DNM1: variants seen among roughly 807,000 people sequenced by gnomAD.
The protein encoded by DNM1 is dynamin-1.
Under a neutral mutation model 104.6 loss-of-function variants are expected in DNM1, and 29 were observed. The observed-to-expected ratio is 0.28, with a 90% CI of 0.21 to 0.38. DNM1 has a LOEUF of 0.38. Among genes scored for constraint, DNM1 ranks in the 10% least tolerant of loss-of-function variants. The probability of loss-of-function intolerance (pLI) is 1.00; values close to 1 mark genes in which losing one functional copy is unlikely to be tolerated. For missense variants in DNM1, 640 were observed against 1,189.4 expected (o/e 0.54, Z 6.79); for synonymous variants, 445 against 475.8 (o/e 0.94, Z 0.84).
At position 128,219,498 on chromosome 9, in the gene DNM1, A is replaced by G. The variant is rs1834812320; in HGVS notation, c.589+246A>G. Among the ~76,000 whole-genome samples, 3 of 150,570 alleles carry G rather than the reference A, an allele frequency of 2.0e-5. No homozygotes were observed. The South Asian group carries it at 6.3e-4, about 32-fold the overall frequency. ...AGGCTGGGCAACCTAGTGAGACCCC[A>G]TTTCTACAAAAAATTTAAAAATTAG... On this transcript the variant is annotated intron_variant, in intron 4 of 21. Coordinates refer to ENST00000372923, the MANE Select transcript of DNM1 (RefSeq NM_004408.4).
chr9:128,215,884 C>T (rs1330386040), intron 1 of DNM1, among the ~76,000 whole-genome samples: 1 of 151,946 alleles, frequency 6.6e-6, no homozygotes, highest in African/African-American at 2.4e-5. Context: ...GGTGGACCCC[C>T]GGCCCCCACA....
At chr9:128,219,319 A>G (rs1276298254) in intron 4 of DNM1, 67 bp downstream of exon 4, 1 of 1,399,756 alleles carries the variant, frequency 7.1e-7, no homozygotes, top group Non-Finnish European at 1.0e-6. Flanking sequence ...CTTAGTGTAA[A>G]GGGGAGCCTC....
chr9:128,254,269 C>CA lies in DNM1; in HGVS notation c.2535-383dup, dbSNP rs1829712144. Reference sequence around the variant, plus strand: ...CTGGTGGCTGTTGCATGGGGCTCCCCAAGGCAAGGGGTGGCCCCAGGCCAG... The same window carrying CA: ...CTGGTGGCTGTTGCATGGGGCTCCCCAAAGGCAAGGGGTGGCCCCAGGCCAG... On this transcript the variant is annotated intron_variant, in intron 21 of 21. Coordinates refer to ENST00000372923, the MANE Select transcript of DNM1 (RefSeq NM_004408.4). The surrounding 1 kb of genome is among the most constrained non-coding windows in gnomAD (Gnocchi z 6.1). 4.3e-6 allele frequency: 6 copies of CA among 1,383,828 alleles called. No homozygotes were observed. The highest frequency in any genetic ancestry group is 1.5e-5 in the African/African-American group (1 of 67,334). 85.7% of individuals were successfully genotyped at this position (1,383,828 alleles called of 1,614,324 possible).
At chr9:128,206,246 C>T (rs964995850) in intron 1 of DNM1, among the ~76,000 whole-genome samples, 10 of 152,154 alleles carry the variant, frequency 6.6e-5, no homozygotes, top group Non-Finnish European at 1.0e-4. Flanking sequence ...CAGGCCCACC[C>T]GGGCTTCTGG....
At chr9:128,205,147 G>C (rs1833852844) in intron 1 of DNM1, among the ~76,000 whole-genome samples, 1 of 152,158 alleles carries the variant, frequency 6.6e-6, no homozygotes, top group African/African-American at 2.4e-5. Flanking sequence ...ATGACCCCCG[G>C]AGCTGCAGAG....
rs894792050 is a variant in DNM1, at chr9:128,218,037, C to A, written c.162-194C>A. On this transcript the variant is annotated intron_variant, in intron 1 of 21. Transcript: ENST00000372923. This position sits in a 1 kb window ranked among gnomAD's most constrained non-coding sequence, Gnocchi z 4.8. ...AGATGCATAAATTCTGTGACCCAGGCGACTTGAGGAAAAGTATTTTCCACC... is the reference window on the plus strand; with the variant it reads ...AGATGCATAAATTCTGTGACCCAGGAGACTTGAGGAAAAGTATTTTCCACC... 6.6e-6 allele frequency among the ~76,000 whole-genome samples: 1 copy of A among 152,146 alleles called. No individual in the cohort carries two copies. Among genetic ancestry groups the A allele is most frequent in the Non-Finnish European group, 1.5e-5 (1 of 68,022 alleles).
rs1836899387 is a variant in DNM1, at chr9:128,247,506, G to A, written c.1893+20G>A. On this transcript the variant is annotated intron_variant, in intron 17 of 21. Transcript: ENST00000372923. This position sits in a 1 kb window ranked among gnomAD's most constrained non-coding sequence, Gnocchi z 5.1. ...GTTGGGGTGAGTGGCAGGGCAAGGAGAGGAAGGGCAAGCATGATCCTAGGG... is the reference window on the plus strand; with the variant it reads ...GTTGGGGTGAGTGGCAGGGCAAGGAAAGGAAGGGCAAGCATGATCCTAGGG... 1.3e-6 allele frequency: 2 copies of A among 1,574,882 alleles called. No individual in the cohort carries two copies. Among genetic ancestry groups the A allele is most frequent in the Non-Finnish European group, 8.7e-7 (1 of 1,148,066 alleles).
At chr9:128,227,518 A>C (rs1039707674) in intron 10 of DNM1, among the ~76,000 whole-genome samples, 1 of 149,556 alleles carries the variant, frequency 6.7e-6, no homozygotes, top group African/African-American at 2.5e-5. Flanking sequence ...AGTGGCTGGG[A>C]CTACAGGTGA....
chr9:128,241,510 A>G (rs978787170), intron 14 of DNM1, among the ~76,000 whole-genome samples: 2 of 152,192 alleles, frequency 1.3e-5, no homozygotes, highest in Non-Finnish European at 2.9e-5. Flanking sequence ...TTATTTATTC[A>G]TACTACAAAT....
At chr9:128,246,845 A>T (rs1836859294) in intron 16 of DNM1, 1 of 366,270 alleles carries the variant, frequency 2.7e-6, no homozygotes. Flanking sequence ...TCACTGGTAT[A>T]GTGCATGCTC....
At chr9:128,226,734 G>A (rs530052207) in intron 10 of DNM1, among the ~76,000 whole-genome samples, 2 of 152,266 alleles carry the variant, frequency 1.3e-5, no homozygotes, top group East Asian at 3.9e-4. Context: ...GACAGGGGCG[G>A]TCTCTTTTGA....
intron 10 of DNM1, among the ~76,000 whole-genome samples, chr9:128,229,293 G>T (rs959255472): frequency 4.6e-5 from 7 of 151,410 alleles, no homozygotes; most frequent in Non-Finnish European, 8.8e-5. Flanking sequence ...TACTTGGGAG[G>T]CTGAGGCAGA....
chr9:128,215,959 G>A (rs1834578926), intron 1 of DNM1, among the ~76,000 whole-genome samples: 1 of 152,062 alleles, frequency 6.6e-6, no homozygotes, highest in Non-Finnish European at 1.5e-5. Flanking sequence ...CCCAAAACTG[G>A]AAGTCACGCC....
At chr9:128,241,850 A>G (rs1836385954) in intron 14 of DNM1, among the ~76,000 whole-genome samples, 3 of 152,194 alleles carry the variant, frequency 2.0e-5, no homozygotes, top group South Asian at 2.1e-4. Flanking sequence ...CAGCATGTGT[A>G]AAGTCAGAAA....
chr9:128,253,546 G>GT lies in DNM1; in HGVS notation c.2535-1107dup, dbSNP rs1463140740. 1 of 235,050 alleles carries GT rather than the reference G, an allele frequency of 4.3e-6. No homozygotes were observed. Among genetic ancestry groups the GT allele is most frequent in the African/African-American group, 2.3e-5 (1 of 44,212 alleles). The allele number at this position is 235,050 out of a possible 1,614,324, so 14.6% of individuals were successfully genotyped here. On this transcript the variant is annotated intron_variant, in intron 21 of 21. Transcript: ENST00000372923. The surrounding 1 kb of genome is among the most constrained non-coding windows in gnomAD (Gnocchi z 5.9). ...CTAGGAACGTTATCCTGGGCACACC[G>GT]TGCGTGGTGTGCAGTCTGAGTCATG...
intron 15 of DNM1, 29 bp downstream of exon 15, chr9:128,242,374 G>T (rs751101725): frequency 2.3e-6 from 3 of 1,312,254 alleles, no homozygotes; most frequent in South Asian, 2.4e-5. Flanking sequence ...GTCATCAAGG[G>T]GCTGGGCTGG....
chr9:128,209,255 AC>A (rs1459488374), intron 1 of DNM1, among the ~76,000 whole-genome samples: 1 of 151,798 alleles, frequency 6.6e-6, no homozygotes, highest in African/African-American at 2.4e-5. Flanking sequence ...CCAAACCCAC[AC>A]CCCACCGTGG....
At chr9:128,209,470 C>T (rs184256615) in intron 1 of DNM1, among the ~76,000 whole-genome samples, 11 of 152,236 alleles carry the variant, frequency 7.2e-5, no homozygotes, top group Admixed American at 5.2e-4. Context: ...GAGAAACGGA[C>T]GCCCACATGC....
At position 128,218,833 on chromosome 9, in the gene DNM1, T is replaced by G. The variant is rs1834770309; in HGVS notation, c.385+102T>G. On this transcript the variant is annotated intron_variant, in intron 3 of 21. Transcript: ENST00000372923. This position sits in a 1 kb window ranked among gnomAD's most constrained non-coding sequence, Gnocchi z 4.8. ...GCAGACTCCGCCCCTAGAATGACCC[T>G]GCCTCTGCATCATCCTATTCCAAGC... 1.3e-5 allele frequency: 19 copies of G among 1,420,072 alleles called. No individual in the cohort carries two copies. The highest frequency in any genetic ancestry group is 1.5e-5 in the Non-Finnish European group (16 of 1,065,548). The allele number at this position is 1,420,072 out of a possible 1,614,324, so 88.0% of individuals were successfully genotyped here.
Sources: gnomAD v4.1 joint callset for allele counts (sites outside exome capture counted in the v4.1 genomes callset) on GRCh38, gnomAD v4.1.1 for gene constraint, Gnocchi (gnomAD v3.1) non-coding constraint, MANE v1.5 for transcripts, NCBI Gene and HGNC (gene_info 2026-07-23, HGNC 2026-07-21) for gene names.